The following ADA2 variants were observed in gnomAD, a reference collection of about 807,000 sequenced individuals.
ADA2 encodes the protein adenosine deaminase 2.
In ADA2, 29 loss-of-function variants were observed where a neutral mutation model predicts 44.2. The ratio of observed to expected loss-of-function variants is 0.66; its 90% CI spans 0.49 to 0.89. The LOEUF is 0.89. Ranked by LOEUF, ADA2 falls within the 40% of genes least tolerant of loss-of-function variation. ADA2 has a pLI of 0.00. For synonymous variants in ADA2, 215 were observed against 234.9 expected, an observed-to-expected ratio of 0.92 and a Z score of 0.77; for missense variants, 637 against 644.8, an observed-to-expected ratio of 0.99 and a Z score of 0.13.
intron 6 of ADA2, 100 bp from the exon 7 acceptor site, chr22:17,188,547 C>T: frequency 1.4e-6 from 1 of 730,480 alleles, no homozygotes; most frequent in Non-Finnish European, 2.3e-6. Flanking sequence ...TGTACCCTGC[C>T]ACCACTGCCG....
At chr22:17,208,600 C>T (rs185836294) in intron 2 of ADA2, among the ~76,000 whole-genome samples, 3 of 151,784 alleles carry the variant, frequency 2.0e-5, no homozygotes, top group Non-Finnish European at 1.5e-5. Flanking sequence ...CTCAGGTGTT[C>T]GAGATCAGCC....
chr22:17,199,644 G>C, intron 4 of ADA2: 1 of 1,613,476 alleles, frequency 6.2e-7, no homozygotes, highest in Non-Finnish European at 8.5e-7. Flanking sequence ...AGGTGGGCGT[G>C]GCTATTAGGA....
chr22:17,189,253 G>A (rs942318439), intron 6 of ADA2, among the ~76,000 whole-genome samples: 2 of 151,998 alleles, frequency 1.3e-5, no homozygotes, highest in Non-Finnish European at 2.9e-5. Context: ...CAGACCTCAG[G>A]TGATCCACCT....
chr22:17,183,955 C>CTTTTTTTTTTT lies in ADA2; in HGVS notation c.1082-1205_1082-1195dup, dbSNP rs33921509. Among the ~76,000 whole-genome samples the CTTTTTTTTTTT allele has an allele frequency of 6.3e-5, 5 of 79,754 alleles. 1 individual carries two copies. The highest frequency in any genetic ancestry group is 1.1e-4 in the Non-Finnish European group (5 of 45,764). The allele number at this position is 79,754 out of a possible 152,430, so 52.3% of individuals were successfully genotyped here. A position where few individuals can be genotyped will look rare whatever the true frequency, so the allele number is the denominator to read the frequency against. On this transcript the variant is annotated intron_variant, in intron 7 of 9. Transcript: ENST00000399837. ...CCCCTGCCATCCCCATCACACCTTT[C>CTTTTTTTTTTT]TTTTTTTTTTTTTTTTTTTTTGAGA...
intron 1 of ADA2, chr22:17,213,779 T>C (rs1027387332): frequency 7.9e-6 from 2 of 251,608 alleles, no homozygotes; most frequent in Non-Finnish European, 1.6e-5. Context: ...GACTCACGCC[T>C]GTAATCCCAG....
chr22:17,215,325 G>A (rs1210282103), intron 1 of ADA2, among the ~76,000 whole-genome samples: 1 of 152,210 alleles, frequency 6.6e-6, no homozygotes, highest in African/African-American at 2.4e-5. Flanking sequence ...CACGGGCTGG[G>A]CACGGTGGCT....
rs745689865 is a variant in ADA2, at chr22:17,182,772, G to A, written c.1082-11C>T. The A allele has an allele frequency of 1.4e-5, 22 of 1,612,702 alleles. No individual in the cohort carries two copies. The highest frequency in any genetic ancestry group is 5.3e-5 in the African/African-American group (4 of 75,000). ...AAGTACCCTGCCAGTCTGAACACACGGGAATGGTCTTCCATGGGGGATGGA... is the reference window on the plus strand; with the variant it reads ...AAGTACCCTGCCAGTCTGAACACACAGGAATGGTCTTCCATGGGGGATGGA... On this transcript the variant is annotated splice_polypyrimidine_tract_variant and intron_variant, in intron 7 of 9. Coordinates refer to ENST00000399837, the MANE Select transcript of ADA2 (RefSeq NM_001282225.2).
intron 4 of ADA2, among the ~76,000 whole-genome samples, chr22:17,196,008 A>C (rs2062186126): frequency 6.6e-6 from 1 of 151,876 alleles, no homozygotes; most frequent in Non-Finnish European, 1.5e-5. Flanking sequence ...CAGCCTCCCA[A>C]AGCGCTGGGA....
At chr22:17,191,592 G>C in intron 5 of ADA2, 91 bp downstream of exon 5, 16 of 1,337,932 alleles carry the variant, frequency 1.2e-5, no homozygotes, top group East Asian at 2.4e-5. Context: ...CGGCCTCCCA[G>C]CCCCGCTTCT....
chr22:17,212,040 G>C (rs1363033864), intron 1 of ADA2, among the ~76,000 whole-genome samples: 3 of 151,604 alleles, frequency 2.0e-5, no homozygotes, highest in African/African-American at 7.3e-5. Context: ...TTTCTTTTGT[G>C]GGGGACGGAG....
chr22:17,183,406 C>T (rs28535971), intron 7 of ADA2, among the ~76,000 whole-genome samples: 3 of 148,778 alleles, frequency 2.0e-5, no homozygotes, highest in Admixed American at 1.4e-4. Context: ...TTTAAACCTT[C>T]GTCTCTCTGA....
chr22:17,201,518 A>C (rs1295850137), intron 4 of ADA2, among the ~76,000 whole-genome samples: 1 of 152,204 alleles, frequency 6.6e-6, no homozygotes, highest in Non-Finnish European at 1.5e-5. Flanking sequence ...ATGAACGAGC[A>C]GACTCTCTTG....
intron 4 of ADA2, chr22:17,199,511 A>T (rs367818922): frequency 2.2e-5 from 34 of 1,542,948 alleles, no homozygotes; most frequent in Non-Finnish European, 2.9e-5. Context: ...ACACCAAGAC[A>T]GTTGTCAGGA....
chr22:17,194,050 A>G (rs570528430), intron 4 of ADA2, among the ~76,000 whole-genome samples: 1 of 152,032 alleles, frequency 6.6e-6, no homozygotes, highest in Non-Finnish European at 1.5e-5. Context: ...CAATAGAATA[A>G]GTGCTAAAGA....
chr22:17,198,071 C>A (rs141235612), intron 4 of ADA2, among the ~76,000 whole-genome samples: 32 of 151,964 alleles, frequency 2.1e-4, no homozygotes, highest in African/African-American at 7.2e-4. Context: ...TTGAGAAACT[C>A]AGTACCCCTG....
intron 3 of ADA2, among the ~76,000 whole-genome samples, chr22:17,206,769 CT>C (rs1378240166): frequency 2.0e-5 from 3 of 152,124 alleles, no homozygotes; most frequent in African/African-American, 7.2e-5. Context: ...AGTGATCCTC[CT>C]GCCTCAGCCT....
At chr22:17,208,038 C>T (rs2062374225) in intron 2 of ADA2, among the ~76,000 whole-genome samples, 1 of 152,126 alleles carries the variant, frequency 6.6e-6, no homozygotes, top group Admixed American at 6.5e-5. Flanking sequence ...CACGAGCCCC[C>T]AGACACCCTC....
chr22:17,191,821 AG>A lies in ADA2; in HGVS notation c.754-12del, dbSNP rs767647109. On this transcript the variant is annotated splice_polypyrimidine_tract_variant and intron_variant, in intron 4 of 9. Coordinates refer to ENST00000399837, the MANE Select transcript of ADA2 (RefSeq NM_001282225.2). ...ACTGAGCTCATACACCTGGGAAGAA[AG>A]CACAACCAGGAGCCGTCAGGTGAGC... 47 of 1,609,566 alleles carry A rather than the reference AG, an allele frequency of 2.9e-5. No individual in the cohort carries two copies. The East Asian group carries it at 3.8e-4, about 13-fold the overall frequency.
At chr22:17,215,188 C>T (rs1171824253) in intron 1 of ADA2, among the ~76,000 whole-genome samples, 1 of 152,152 alleles carries the variant, frequency 6.6e-6, no homozygotes, top group African/African-American at 2.4e-5. Context: ...AAGAGAAAAA[C>T]AAAGTGTGGA....
Sources: gnomAD v4.1 joint callset for allele counts (sites outside exome capture counted in the v4.1 genomes callset) on GRCh38, gnomAD v4.1.1 for gene constraint, MANE v1.5 for transcripts, NCBI Gene and HGNC (gene_info 2026-07-23, HGNC 2026-07-21) for gene names.